Variants in ALKBH5 observed in about 807,000 individuals in gnomAD.
The protein encoded by ALKBH5 is RNA demethylase ALKBH5.
ALKBH5 carries 2 observed loss-of-function variants against 32.1 expected under a neutral mutation model. That is an observed-to-expected ratio of 0.06 (90% CI 0.03 to 0.20). The LOEUF (loss-of-function observed/expected upper bound fraction) is 0.20, where lower values mean the gene tolerates loss of function less well. ALKBH5 is among the 10% of genes least tolerant of loss of function. The pLI, the probability that ALKBH5 is intolerant of heterozygous loss-of-function variation, is 1.00. For missense variants in ALKBH5, 352 were observed against 559.5 expected, an observed-to-expected ratio of 0.63 and a Z score of 3.74; for synonymous variants, 300 against 231.7, an observed-to-expected ratio of 1.29 and a Z score of -2.68.
At chr17:18,202,054 T>C (rs1479661873) in intron 2 of ALKBH5, among the ~76,000 whole-genome samples, 1 of 151,940 alleles carries the variant, frequency 6.6e-6, no homozygotes, top group East Asian at 1.9e-4. Flanking sequence ...ACGCCTGTAA[T>C]TCCAGCACTT....
At chr17:18,185,087 G>A (rs1246075241) in intron 1 of ALKBH5, 74 bp downstream of exon 1, 11 of 1,534,806 alleles carry the variant, frequency 7.2e-6, no homozygotes, top group Non-Finnish European at 8.7e-6. Context: ...GAAAGCAGCA[G>A]CCCGTAGGAG....
At chr17:18,194,858 C>A in intron 1 of ALKBH5, 97 bp from the exon 2 acceptor site, 1 of 949,380 alleles carries the variant, frequency 1.1e-6, no homozygotes, top group Non-Finnish European at 1.6e-6. Context: ...AGAGAGCAGC[C>A]GTAAGACCTA....
At chr17:18,195,062 G>T in intron 2 of ALKBH5, 27 bp downstream of exon 2, 1 of 1,599,756 alleles carries the variant, frequency 6.3e-7, no homozygotes. Flanking sequence ...CTGACCTTCT[G>T]CCTCACCTGC....
At chr17:18,188,224 C>T (rs1189636041) in intron 1 of ALKBH5, among the ~76,000 whole-genome samples, 1 of 152,242 alleles carries the variant, frequency 6.6e-6, no homozygotes, top group Non-Finnish European at 1.5e-5. Flanking sequence ...TTAAAACAGA[C>T]TCTGATTGGA....
In ALKBH5 at chr17:18,208,882, T is replaced by A; in HGVS notation, c.*486T>A. On this transcript the variant is annotated 3_prime_UTR_variant, in exon 4 of 4. Coordinates refer to ENST00000399138, the MANE Select transcript of ALKBH5 (RefSeq NM_017758.4). ...CCTGGAGCCTCACAGGCTCTGCTGT[T>A]CTCCACTTCTCACCTGCCATCCACG... The A allele has an allele frequency of 4.1e-6, 1 of 245,044 alleles. No homozygotes were observed. The highest frequency in any genetic ancestry group is 8.1e-6 in the Non-Finnish European group (1 of 123,306). The allele number at this position is 245,044 out of a possible 1,614,324, so 15.2% of individuals were successfully genotyped here.
At chr17:18,188,171 C>T in intron 1 of ALKBH5, among the ~76,000 whole-genome samples, 1 of 152,162 alleles carries the variant, frequency 6.6e-6, no homozygotes, top group East Asian at 1.9e-4. Flanking sequence ...ATCACTTTAT[C>T]TGTCATTCAT....
chr17:18,197,762 C>T (rs2047212680), intron 2 of ALKBH5, among the ~76,000 whole-genome samples: 1 of 152,190 alleles, frequency 6.6e-6, no homozygotes, highest in Admixed American at 6.5e-5. Context: ...TTGGGAATGG[C>T]TGTTACTGGG....
intron 2 of ALKBH5, among the ~76,000 whole-genome samples, chr17:18,201,957 G>A (rs1025873209): frequency 2.6e-5 from 4 of 152,086 alleles, no homozygotes; most frequent in Non-Finnish European, 5.9e-5. Flanking sequence ...CAAGGCTGCA[G>A]TGAGCTGTAA....
At chr17:18,188,992 G>A (rs1015295645) in intron 1 of ALKBH5, among the ~76,000 whole-genome samples, 1 of 152,112 alleles carries the variant, frequency 6.6e-6, no homozygotes, top group African/African-American at 2.4e-5. Flanking sequence ...ACTTGAACCC[G>A]GGAGGCGGAG....
At chr17:18,207,120 G>A (rs1217716087) in intron 3 of ALKBH5, 150 bp downstream of exon 3, 2 of 1,099,580 alleles carry the variant, frequency 1.8e-6, no homozygotes, top group African/African-American at 1.6e-5. Context: ...GGTGGCATTG[G>A]TGACATTCCC....
intron 3 of ALKBH5, 69 bp from the exon 4 acceptor site, chr17:18,208,150 G>C: frequency 6.7e-7 from 1 of 1,503,304 alleles, no homozygotes; most frequent in Non-Finnish European, 9.0e-7. Flanking sequence ...GATGAGACGA[G>C]GTACAGCGGT....
intron 3 of ALKBH5, among the ~76,000 whole-genome samples, 194 bp from the exon 4 acceptor site, chr17:18,208,025 G>T (rs1046784475): frequency 6.6e-6 from 1 of 152,204 alleles, no homozygotes; most frequent in Admixed American, 6.5e-5. Flanking sequence ...ATTGGGAAAT[G>T]TCCCAAAGAC....
chr17:18,196,814 G>A (rs1437354740), intron 2 of ALKBH5, among the ~76,000 whole-genome samples: 1 of 152,224 alleles, frequency 6.6e-6, no homozygotes, highest in Middle Eastern at 3.2e-3. Flanking sequence ...TTGAGGGGGA[G>A]CATGCAGGTG....
rs1343542251 is a variant in ALKBH5, at chr17:18,209,392, CCTT to C, written c.*999_*1001del. The C allele has an allele frequency of 5.2e-5, 8 of 152,550 alleles. No homozygotes were observed. The highest frequency in any genetic ancestry group is 1.9e-4 in the African/African-American group (8 of 41,390). 9.4% of individuals were successfully genotyped at this position (152,550 alleles called of 1,614,324 possible). On this transcript the variant is annotated 3_prime_UTR_variant, in exon 4 of 4. Transcript: ENST00000399138. ...AGCTTGGGCCTCATCCTCATGTCAT[CCTT>C]CTAGGAAGGCGCCTGCCCCATCTTG...
chr17:18,199,233 TC>T (rs1450829063), intron 2 of ALKBH5, among the ~76,000 whole-genome samples: 1 of 152,158 alleles, frequency 6.6e-6, no homozygotes, highest in Admixed American at 6.5e-5. Flanking sequence ...TGTTACTGTC[TC>T]CCAGCCGACC....
chr17:18,200,636 T>A (rs2047231058), intron 2 of ALKBH5, among the ~76,000 whole-genome samples: 1 of 152,064 alleles, frequency 6.6e-6, no homozygotes, highest in African/African-American at 2.4e-5. Context: ...CTTTTGTCCT[T>A]TGGGAAAAGG....
chr17:18,208,306 G>T lies in ALKBH5; in HGVS notation c.1095G>T (p.Glu365Asp). 6.2e-7 allele frequency: 1 copy of T among 1,614,144 alleles called. No individual in the cohort carries two copies. The highest frequency in any genetic ancestry group is 8.5e-7 in the Non-Finnish European group (1 of 1,180,024). ...THRRRGSFSS[E>D]NYWRKSYESS... ...GGCGGAGGGGTAGCTTCAGCTCTGAGAACTACTGGCGCAAGTCATACGAGT... is the reference window on the plus strand; with the variant it reads ...GGCGGAGGGGTAGCTTCAGCTCTGATAACTACTGGCGCAAGTCATACGAGT... Residue 365 changes from glutamate (E) to aspartate (D), a missense_variant, in exon 4 of 4, where the codon GAG becomes GAT. By Grantham distance (45) the Glu-to-Asp change is conservative. This residue lies in a region of ALKBH5 where 124 missense variants were observed against 142.4 expected (regional missense o/e 0.87). Coordinates refer to ENST00000399138, the MANE Select transcript of ALKBH5 (RefSeq NM_017758.4).
rs1380520462 is a variant in ALKBH5, at chr17:18,184,762, C to T, written c.519C>T (p.Ile173=). The T allele has an allele frequency of 1.2e-6, 2 of 1,613,812 alleles. No individual in the cohort carries two copies. Among genetic ancestry groups the T allele is most frequent in the Admixed American group, 3.3e-5 (2 of 60,024 alleles). ...EIPEWVHQLV[I]QKLVEHRVIP... ...CCGAGTGGGTGCACCAGCTGGTGAT[C>T]CAAAAGCTGGTGGAGCACCGCGTCA... Residue 173 remains isoleucine (I), a synonymous_variant, in exon 1 of 4, where the codon ATC becomes ATT. Transcript: ENST00000399138.
At chr17:18,207,712 T>C (rs1366719822) in intron 3 of ALKBH5, among the ~76,000 whole-genome samples, 2 of 149,816 alleles carry the variant, frequency 1.3e-5, no homozygotes, top group East Asian at 3.9e-4. Flanking sequence ...TCCAAGGAGG[T>C]AATGTTTAAG....
Sources: allele counts gnomAD v4.1 joint callset (sites outside exome capture counted in the v4.1 genomes callset), GRCh38; gene constraint gnomAD v4.1.1; regional missense constraint gnomAD v4.1.1; transcripts MANE v1.5; gene names NCBI Gene and HGNC (gene_info 2026-07-23, HGNC 2026-07-21).